The following CAMSAP2 variants were observed in gnomAD, a reference collection of about 807,000 sequenced individuals.
CAMSAP2 encodes the protein calmodulin-regulated spectrin-associated protein 2.
In CAMSAP2, 26 loss-of-function variants were observed where a neutral mutation model predicts 146.1. The observed-to-expected ratio is 0.18, with a 90% confidence interval of 0.13 to 0.25. The LOEUF (loss-of-function observed/expected upper bound fraction) is 0.25. Among genes scored for constraint, CAMSAP2 ranks in the 10% least tolerant of loss-of-function variants. The pLI is 1.00. For missense variants in CAMSAP2, 1,381 were observed against 1,759.3 expected, an observed-to-expected ratio of 0.78 and a Z score of 3.85; for synonymous variants, 499 against 596.6, an observed-to-expected ratio of 0.84 and a Z score of 2.38.
At chr1:200,756,000 C>T (rs1198682359) in intron 1 of CAMSAP2, among the ~76,000 whole-genome samples, 2 of 152,146 alleles carry the variant, frequency 1.3e-5, no homozygotes, top group Non-Finnish European at 2.9e-5. Flanking sequence ...AGGTCTGAAC[C>T]TGGCATATTC....
chr1:200,741,331 T>C (rs1327067486), intron 1 of CAMSAP2, among the ~76,000 whole-genome samples: 1 of 152,270 alleles, frequency 6.6e-6, no homozygotes, highest in Non-Finnish European at 1.5e-5. Flanking sequence ...AAATTGAATG[T>C]CTAGCGTAAC....
Position 200,842,011 on chromosome 1 carries a change from C to G in CAMSAP2, c.945C>G (p.Phe315Leu). ...CTATATAGAGTAATTATTTGGTGTTCATGGCGGAACTGTTCTGGTGGTTTG... is the reference window on the plus strand; with the variant it reads ...CTATATAGAGTAATTATTTGGTGTTGATGGCGGAACTGTTCTGGTGGTTTG... ...ASSIKSNYLVFMAELFWWFEV... is the reference protein window; with the variant it reads ...ASSIKSNYLVLMAELFWWFEV... The change falls in exon 7 of 17, where the codon TTC becomes TTG. Residue 315 changes from phenylalanine (F) to leucine (L), a missense_variant. Transcript: ENST00000358823. 6.2e-7 allele frequency: 1 copy of G among 1,613,362 alleles called. No individual in the cohort carries two copies. Among genetic ancestry groups the G allele is most frequent in the South Asian group, 1.1e-5 (1 of 91,066 alleles).
At position 200,848,130 on chromosome 1, in the gene CAMSAP2, A is replaced by C. The variant is rs147174162; in HGVS notation, c.1361A>C (p.Asn454Thr). 3.1e-6 allele frequency: 5 copies of C among 1,612,944 alleles called. No individual in the cohort carries two copies. The highest frequency in any genetic ancestry group is 4.2e-6 in the Non-Finnish European group (5 of 1,179,450). The change falls in exon 11 of 17, where the codon AAT becomes ACT. Residue 454 changes from asparagine to threonine, a missense_variant. Transcript: ENST00000358823. The part of the protein sequence containing the change: ...PNRGITRSIS[N>T]EGLTLNNSHV... ...CGAGGAATCACTCGTTCTATTAGTAATGAAGGACTTACTCTGAACAACAGT... is the reference window on the plus strand; with the variant it reads ...CGAGGAATCACTCGTTCTATTAGTACTGAAGGACTTACTCTGAACAACAGT...
At chr1:200,784,220 C>T (rs956163254) in intron 2 of CAMSAP2, among the ~76,000 whole-genome samples, 18 of 151,878 alleles carry the variant, frequency 1.2e-4, no homozygotes, top group Non-Finnish European at 2.1e-4. Context: ...GTAAGCCATC[C>T]GGCTTTGTTG....
rs1664788763 is a variant in CAMSAP2 at position 200,761,103 on chromosome 1, GTCTT to G, written c.399+7_399+10del. On this transcript the variant is annotated splice_donor_region_variant and intron_variant, in intron 2 of 16. Coordinates refer to ENST00000358823, the MANE Select transcript of CAMSAP2 (RefSeq NM_203459.4). Reference sequence around the variant, plus strand: ...CACAAGAAACCCATACAGATGGTGAGTCTTTATATACCCAAGATTATTTTAAGTT... The same window carrying G: ...CACAAGAAACCCATACAGATGGTGAGTATATACCCAAGATTATTTTAAGTT... The G allele has an allele frequency of 6.2e-7, 1 of 1,613,268 alleles. No individual in the cohort carries two copies. Among genetic ancestry groups the G allele is most frequent in the Non-Finnish European group, 8.5e-7 (1 of 1,179,358 alleles).
chr1:200,853,314 G>C lies in CAMSAP2; in HGVS notation c.3642G>C (p.Glu1214Asp). Residue 1214 changes from glutamate (E) to aspartate (D), a missense_variant, in exon 13 of 17, where the codon GAG becomes GAC. Coordinates refer to ENST00000358823, the MANE Select transcript of CAMSAP2 (RefSeq NM_203459.4). The surrounding 1 kb of genome is among the most constrained non-coding windows in gnomAD (Gnocchi z 5.1). Reference sequence around the variant, plus strand: ...AAGAACGTCAGAAGAAAGAAGATGAGAGAGCACGCAGAGAATTTATTAGGC... The same window carrying C: ...AAGAACGTCAGAAGAAAGAAGATGACAGAGCACGCAGAGAATTTATTAGGC... ...TEEERQKKED[E>D]RARREFIRQE... 6.2e-7 allele frequency: 1 copy of C among 1,613,614 alleles called. No individual in the cohort carries two copies. Among genetic ancestry groups the C allele is most frequent in the Non-Finnish European group, 8.5e-7 (1 of 1,179,916 alleles).
rs555335294 is a variant in CAMSAP2 at position 200,739,314 on chromosome 1, G to A, written c.-514G>A. 8.5e-5 allele frequency among the ~76,000 whole-genome samples: 13 copies of A among 152,262 alleles called. No homozygotes were observed. Among genetic ancestry groups the A allele is most frequent in the South Asian group, 4.1e-4 (2 of 4,830 alleles). ...CTGCTCGTCCCTCCGCCCACCCGGG[G>A]CCTGAGGGGTCTCCCCGCTCCGAGG... On this transcript the variant is annotated 5_prime_UTR_variant, in exon 1 of 17. Transcript: ENST00000358823. This position sits in a 1 kb window ranked among gnomAD's most constrained non-coding sequence, Gnocchi z 4.8.
At chr1:200,788,605 C>T (rs910824157) in intron 2 of CAMSAP2, among the ~76,000 whole-genome samples, 2 of 151,616 alleles carry the variant, frequency 1.3e-5, no homozygotes, top group Non-Finnish European at 2.9e-5. Context: ...TTTGCATTTC[C>T]CTGATAATAT....
rs947486443 is a variant in CAMSAP2 at position 200,738,927 on chromosome 1, G to C, written c.-901G>C. ...ATCTGCTCCTTCATCCAGTGCCGCA[G>C]CCGGAAAACCGCAGCGGCGGCGGCG... On this transcript the variant is annotated 5_prime_UTR_variant, in exon 1 of 17. Transcript: ENST00000358823. Among the ~76,000 whole-genome samples the C allele has an allele frequency of 6.8e-6, 1 of 147,014 alleles. No individual in the cohort carries two copies. Among genetic ancestry groups the C allele is most frequent in the Non-Finnish European group, 1.5e-5 (1 of 66,996 alleles).
chr1:200,827,355 A>G (rs139952018), intron 4 of CAMSAP2, among the ~76,000 whole-genome samples: 21 of 152,314 alleles, frequency 1.4e-4, no homozygotes, highest in African/African-American at 4.6e-4. Flanking sequence ...TTTCTATTTA[A>G]TGGGTTCTTC....
intron 4 of CAMSAP2, among the ~76,000 whole-genome samples, chr1:200,820,032 T>C (rs1666707132): frequency 6.6e-6 from 1 of 152,110 alleles, no homozygotes; most frequent in African/African-American, 2.4e-5. Context: ...ACTAACTATA[T>C]AGAGAATGAA....
intron 13 of CAMSAP2, among the ~76,000 whole-genome samples, 186 bp from the exon 14 acceptor site, chr1:200,854,631 T>C (rs1198155609): frequency 6.6e-6 from 1 of 152,224 alleles, no homozygotes; most frequent in Non-Finnish European, 1.5e-5. Flanking sequence ...TAATTTTAAA[T>C]AAATTGTGTA....
intron 4 of CAMSAP2, chr1:200,831,995 A>G (rs1667054921): frequency 3.9e-6 from 2 of 509,534 alleles, no homozygotes; most frequent in Non-Finnish European, 6.9e-6. Flanking sequence ...TATATTAAGT[A>G]TTGAGCTTCA....
intron 2 of CAMSAP2, among the ~76,000 whole-genome samples, chr1:200,784,199 A>G (rs539899875): frequency 3.9e-5 from 6 of 152,256 alleles, no homozygotes; most frequent in African/African-American, 1.4e-4. Flanking sequence ...TAAGTCTTGA[A>G]ACTTGTTAGT....
intron 1 of CAMSAP2, among the ~76,000 whole-genome samples, chr1:200,746,620 ATTT>A (rs35083171): frequency 7.1e-6 from 1 of 141,484 alleles, no homozygotes. Flanking sequence ...CACTAGTCAC[ATTT>A]TTTTTTTTTT....
At chr1:200,840,461 G>T (rs940494963) in intron 6 of CAMSAP2, among the ~76,000 whole-genome samples, 4 of 152,024 alleles carry the variant, frequency 2.6e-5, no homozygotes, top group African/African-American at 9.7e-5. Context: ...ATAGAGGCAA[G>T]CTATGTTGCC....
intron 2 of CAMSAP2, among the ~76,000 whole-genome samples, chr1:200,784,968 G>T: frequency 6.6e-6 from 1 of 152,186 alleles, no homozygotes; most frequent in East Asian, 1.9e-4. Flanking sequence ...TTAAAATCAT[G>T]AATAACTGCT....
At chr1:200,809,807 T>C (rs943112795) in intron 3 of CAMSAP2, among the ~76,000 whole-genome samples, 1 of 152,200 alleles carries the variant, frequency 6.6e-6, no homozygotes, top group African/African-American at 2.4e-5. Flanking sequence ...TTATTTCTTA[T>C]AGCTATGGAG....
chr1:200,852,888 C>T lies in CAMSAP2; in HGVS notation c.3602+211C>T, dbSNP rs565643886. Among the ~76,000 whole-genome samples, 3 of 151,946 alleles carry T rather than the reference C, an allele frequency of 2.0e-5. No individual in the cohort carries two copies. In the East Asian group the frequency reaches 5.8e-4, roughly 29 times the overall value. On this transcript the variant is annotated intron_variant, in intron 12 of 16. Transcript: ENST00000358823. ...TCAATTTATTTTCCCAAAGTATTGCCTAATTTTATATTTTTATCTTAAGTT... is the reference window on the plus strand; with the variant it reads ...TCAATTTATTTTCCCAAAGTATTGCTTAATTTTATATTTTTATCTTAAGTT...
Sources: allele counts gnomAD v4.1 joint callset (sites outside exome capture counted in the v4.1 genomes callset), GRCh38; gene constraint gnomAD v4.1.1; non-coding constraint Gnocchi (gnomAD v3.1); transcripts MANE v1.5; gene names NCBI Gene and HGNC (gene_info 2026-07-23, HGNC 2026-07-21).